The following ZMYM5 variants were observed in gnomAD, a reference collection of about 807,000 sequenced individuals.
ZMYM5 encodes the protein zinc finger MYM-type protein 5.
Under a neutral mutation model 61.8 loss-of-function variants are expected in ZMYM5, and 41 were observed. The observed-to-expected ratio is 0.66, with a 90% CI of 0.52 to 0.86. The LOEUF (loss-of-function observed/expected upper bound fraction) is 0.86, where lower values mean the gene tolerates loss of function less well. ZMYM5 is among the 40% of genes least tolerant of loss of function. The pLI is 0.00. For synonymous variants in ZMYM5, 257 were observed against 276.4 expected, an observed-to-expected ratio of 0.93 and a Z score of 0.70; for missense variants, 706 against 786.7, an observed-to-expected ratio of 0.90 and a Z score of 1.23.
chr13:19,836,685 A>G (rs1178932153), intron 6 of ZMYM5, among the ~76,000 whole-genome samples: 3 of 152,124 alleles, frequency 2.0e-5, no homozygotes, highest in Non-Finnish European at 2.9e-5. Context: ...AAGGGAATCA[A>G]TATTATCTGT....
At chr13:19,859,081 G>A (rs1371019607) in intron 2 of ZMYM5, among the ~76,000 whole-genome samples, 5 of 151,736 alleles carry the variant, frequency 3.3e-5, no homozygotes, top group East Asian at 1.9e-4. Context: ...GCAGTGAGCC[G>A]AGATCACGCC....
intron 1 of ZMYM5, 23 bp downstream of exon 1, chr13:19,863,427 C>G (rs1257880206): frequency 6.6e-6 from 1 of 152,354 alleles, no homozygotes; most frequent in Non-Finnish European, 1.5e-5. Flanking sequence ...GCTGCTCTCA[C>G]CCATCTCCGC....
chr13:19,852,471 TAAC>T (rs1388205098), intron 2 of ZMYM5, among the ~76,000 whole-genome samples: 1 of 152,192 alleles, frequency 6.6e-6, no homozygotes, highest in Non-Finnish European at 1.5e-5. Context: ...TAGAAAATAG[TAAC>T]AAAATAATTA....
chr13:19,860,046 G>A (rs1327446105), intron 2 of ZMYM5, among the ~76,000 whole-genome samples: 1 of 134,800 alleles, frequency 7.4e-6, no homozygotes, highest in African/African-American at 2.8e-5. Flanking sequence ...AGAGGTTGCA[G>A]TGAGCCTAGA....
intron 1 of ZMYM5, among the ~76,000 whole-genome samples, chr13:19,863,141 G>T (rs955382104): frequency 2.6e-5 from 4 of 151,114 alleles, no homozygotes; most frequent in Non-Finnish European, 5.9e-5. Flanking sequence ...GCCACTATGC[G>T]GCAGGAGAGA....
At chr13:19,857,632 CT>C (rs1953560870) in intron 2 of ZMYM5, among the ~76,000 whole-genome samples, 1 of 152,252 alleles carries the variant, frequency 6.6e-6, no homozygotes, top group African/African-American at 2.4e-5. Flanking sequence ...ACCTATAATC[CT>C]AACACTTAGG....
intron 4 of ZMYM5, 51 bp downstream of exon 4, chr13:19,851,304 C>G: frequency 2.0e-6 from 3 of 1,473,694 alleles, no homozygotes; most frequent in Non-Finnish European, 2.8e-6. Context: ...CTAAAAAGAA[C>G]AGCCAAAGGC....
intron 4 of ZMYM5, 53 bp downstream of exon 4, chr13:19,851,302 A>G: frequency 6.8e-7 from 1 of 1,466,070 alleles, no homozygotes; most frequent in Non-Finnish European, 9.5e-7. Flanking sequence ...TACTAAAAAG[A>G]ACAGCCAAAG....
chr13:19,851,789 GCTC>G lies in ZMYM5; in HGVS notation c.389_391del (p.Gly130del), dbSNP rs1432824275. 6.2e-7 allele frequency: 1 copy of G among 1,610,014 alleles called. No individual in the cohort carries two copies. The highest frequency in any genetic ancestry group is 1.3e-5 in the African/African-American group (1 of 74,578). On this transcript the variant is annotated inframe_deletion, in exon 3 of 8. Coordinates refer to ENST00000337963, the MANE Select transcript of ZMYM5 (RefSeq NM_001142684.2). ...GATAAAACAGGAAGACTTTTTCTCT[GCTC>G]CTCCATTTGTTTCTATGTCCTCTTC...
Position 19,835,692 on chromosome 13 carries a change from AAAAG to A in ZMYM5, c.1039-7_1039-4del, listed in dbSNP as rs1952653005. On this transcript the variant is annotated splice_region_variant and splice_polypyrimidine_tract_variant and intron_variant, in intron 6 of 7. Transcript: ENST00000337963. Reference sequence around the variant, plus strand: ...TTTACGCTGACTTCATGGCGAATCTAAAAGAAAAACCAGAATTCATTAACTAAGA... The same window carrying A: ...TTTACGCTGACTTCATGGCGAATCTAAAAAACCAGAATTCATTAACTAAGA... 7.3e-7 allele frequency: 1 copy of A among 1,366,752 alleles called. No homozygotes were observed. The highest frequency in any genetic ancestry group is 1.9e-5 in the Admixed American group (1 of 52,460). 84.7% of individuals were successfully genotyped at this position (1,366,752 alleles called of 1,614,324 possible).
chr13:19,859,068 G>A (rs1308866311), intron 2 of ZMYM5, among the ~76,000 whole-genome samples: 2 of 151,882 alleles, frequency 1.3e-5, no homozygotes, highest in Non-Finnish European at 2.9e-5. Flanking sequence ...GGAGGCAGAG[G>A]TTGCAGTGAG....
chr13:19,853,095 T>C (rs1321651326), intron 2 of ZMYM5, among the ~76,000 whole-genome samples: 2 of 152,202 alleles, frequency 1.3e-5, no homozygotes, highest in African/African-American at 4.8e-5. Context: ...CAAGCAATCC[T>C]CCTGCCTTGG....
chr13:19,825,942 T>C (rs1890892304), intron 7 of ZMYM5, among the ~76,000 whole-genome samples: 1 of 150,738 alleles, frequency 6.6e-6, no homozygotes, highest in African/African-American at 2.4e-5. Flanking sequence ...ACTCTGGAGA[T>C]TGAGACACAA....
intron 7 of ZMYM5, among the ~76,000 whole-genome samples, chr13:19,827,465 T>C (rs530013432): frequency 1.3e-5 from 2 of 152,200 alleles, no homozygotes; most frequent in Non-Finnish European, 2.9e-5. Flanking sequence ...TAAAATTTGA[T>C]TTTAATTGAA....
chr13:19,840,239 ACT>A (rs1205408594), intron 4 of ZMYM5, among the ~76,000 whole-genome samples: 2 of 152,160 alleles, frequency 1.3e-5, no homozygotes, highest in Non-Finnish European at 2.9e-5. Context: ...GAGGTTTAAG[ACT>A]CAGCCTAGGC....
chr13:19,842,901 A>G (rs1334681920), intron 4 of ZMYM5, among the ~76,000 whole-genome samples: 1 of 140,924 alleles, frequency 7.1e-6, no homozygotes, highest in African/African-American at 2.6e-5. Flanking sequence ...CAGAGGTTGC[A>G]GTGAGCCAAC....
chr13:19,852,234 G>GT, intron 2 of ZMYM5, 44 bp from the exon 3 acceptor site: 1 of 1,470,178 alleles, frequency 6.8e-7, no homozygotes, highest in East Asian at 2.3e-5. Context: ...GTATGTTATG[G>GT]TTTTTGCATT....
In ZMYM5 at chr13:19,859,426, G is replaced by A. The variant is rs570019059; in HGVS notation, c.-11+2973C>T. ...TTGTTTGTTTGTTTGTTTTTGAGAC[G>A]GAGTCTCGCTCTGTCACCCAGGCTG... On this transcript the variant is annotated intron_variant, in intron 2 of 7. Transcript: ENST00000337963. Among the ~76,000 whole-genome samples, 15 of 151,998 alleles carry A rather than the reference G, an allele frequency of 9.9e-5. No homozygotes were observed. In the South Asian group the frequency reaches 1.5e-3, roughly 15 times the overall value.
intron 6 of ZMYM5, among the ~76,000 whole-genome samples, chr13:19,836,671 A>G (rs1308437604): frequency 6.6e-6 from 1 of 152,092 alleles, no homozygotes; most frequent in Non-Finnish European, 1.5e-5. Flanking sequence ...TTGTGGAGGG[A>G]GCTAAGGGAA....
Sources: allele counts gnomAD v4.1 joint callset (sites outside exome capture counted in the v4.1 genomes callset), GRCh38; gene constraint gnomAD v4.1.1; transcripts MANE v1.5; gene names NCBI Gene and HGNC (gene_info 2026-07-23, HGNC 2026-07-21).